ARL6IP5: variants seen among roughly 807,000 people sequenced by gnomAD.
ARL6IP5 encodes ARF like GTPase 6 interacting protein 5.
In ARL6IP5, 6 loss-of-function variants were observed where a neutral mutation model predicts 13.0. The observed-to-expected ratio is 0.46, with a 90% CI of 0.25 to 0.91. The LOEUF (loss-of-function observed/expected upper bound fraction) is 0.91. ARL6IP5 is among the 40% of genes least tolerant of loss of function. The pLI, the probability that ARL6IP5 is intolerant of heterozygous loss-of-function variation, is 0.17. For synonymous variants in ARL6IP5, 91 were observed against 91.9 expected, an observed-to-expected ratio of 0.99 and a Z score of 0.06; for missense variants, 208 against 248.8, an observed-to-expected ratio of 0.84 and a Z score of 1.10.
chr3:69,086,004 A>G (rs1194926204), intron 1 of ARL6IP5, among the ~76,000 whole-genome samples: 1 of 152,164 alleles, frequency 6.6e-6, no homozygotes, highest in Non-Finnish European at 1.5e-5. Flanking sequence ...CCTTTAAGAA[A>G]TGCTTCTCTC....
chr3:69,091,355 G>A (rs542074529), intron 1 of ARL6IP5, among the ~76,000 whole-genome samples: 8 of 151,926 alleles, frequency 5.3e-5, no homozygotes, highest in East Asian at 1.9e-4. Context: ...GTATGGTGGC[G>A]CAGTCATGGC....
Position 69,105,261 on chromosome 3 carries a change from A to C in ARL6IP5, c.*625A>C, listed in dbSNP as rs2092319181. On this transcript the variant is annotated 3_prime_UTR_variant, in exon 3 of 3. Transcript: ENST00000273258. ...TTTGTAAATTTTTGAAATGCTAGTAATGTGTTTTCACCAGCAAGTATTTGT... is the reference window on the plus strand; with the variant it reads ...TTTGTAAATTTTTGAAATGCTAGTACTGTGTTTTCACCAGCAAGTATTTGT... The C allele has an allele frequency of 1.6e-5, 3 of 192,968 alleles. No homozygotes were observed. The highest frequency in any genetic ancestry group is 5.6e-5 in the Admixed American group (1 of 17,874). The allele number at this position is 192,968 out of a possible 1,614,324, so 12.0% of individuals were successfully genotyped here.
intron 1 of ARL6IP5, among the ~76,000 whole-genome samples, chr3:69,096,018 G>GGT (rs137919999): frequency 4.9e-4 from 74 of 151,662 alleles, no homozygotes; most frequent in East Asian, 1.2e-3. Flanking sequence ...ATCTGTAGAG[G>GGT]GTGTGTGTGT....
chr3:69,092,819 C>CTTTTTTTT (rs201632976), intron 1 of ARL6IP5, among the ~76,000 whole-genome samples: 1 of 139,762 alleles, frequency 7.2e-6, no homozygotes, highest in Non-Finnish European at 1.6e-5. Context: ...TGTACCCAGC[C>CTTTTTTTT]TTTTTTTTTT....
intron 1 of ARL6IP5, chr3:69,099,825 C>T (rs996708998): frequency 6.5e-6 from 1 of 152,672 alleles, no homozygotes; most frequent in African/African-American, 2.4e-5. Flanking sequence ...AGTTAAGTAA[C>T]TCATTGTACC....
Position 69,104,774 on chromosome 3 carries a change from C to G in ARL6IP5, c.*138C>G, listed in dbSNP as rs2092317431. 2 of 954,280 alleles carry G rather than the reference C, an allele frequency of 2.1e-6. No individual in the cohort carries two copies. The highest frequency in any genetic ancestry group is 5.2e-5 in the East Asian group (2 of 38,384). The allele number at this position is 954,280 out of a possible 1,614,324, so 59.1% of individuals were successfully genotyped here. A position where few individuals can be genotyped will look rare whatever the true frequency, so the allele number is the denominator to read the frequency against. On this transcript the variant is annotated 3_prime_UTR_variant, in exon 3 of 3. Coordinates refer to ENST00000273258, the MANE Select transcript of ARL6IP5 (RefSeq NM_006407.4). ...ATCTATGGCAGCATGCATGTATAGG[C>G]CGAACTATTATCAGCTCTGATGTTT...
Position 69,101,867 on chromosome 3 carries a change from G to C in ARL6IP5, c.205G>C (p.Gly69Arg). 1 of 1,613,672 alleles carries C rather than the reference G, an allele frequency of 6.2e-7. No homozygotes were observed. Residue 69 changes from glycine to arginine, a missense_variant, in exon 2 of 3, where the codon GGA becomes CGA. Transcript: ENST00000273258. ...TCTGAGTCCCTTCAACATGATCCTG[G>C]GAGGAATCGTGGTGGTGCTGGTGTT... ...GFLSPFNMILGGIVVVLVFTG... is the reference protein window; with the variant it reads ...GFLSPFNMILRGIVVVLVFTG...
intron 1 of ARL6IP5, among the ~76,000 whole-genome samples, chr3:69,093,844 G>C (rs1315060233): frequency 6.6e-6 from 1 of 152,070 alleles, no homozygotes; most frequent in African/African-American, 2.4e-5. Flanking sequence ...TGTAGTTTCA[G>C]CTACTCAGAA....
intron 2 of ARL6IP5, 91 bp downstream of exon 2, chr3:69,102,147 TGGC>T: frequency 7.2e-7 from 1 of 1,390,200 alleles, no homozygotes; most frequent in Non-Finnish European, 1.0e-6. Flanking sequence ...TTATATGTGT[TGGC>T]ATGTCAGCAA....
intron 1 of ARL6IP5, among the ~76,000 whole-genome samples, chr3:69,096,020 T>G (rs910505127): frequency 4.0e-5 from 6 of 151,730 alleles, no homozygotes; most frequent in Non-Finnish European, 7.4e-5. Context: ...CTGTAGAGGG[T>G]GTGTGTGTGT....
At chr3:69,100,098 T>C (rs1433626113) in intron 1 of ARL6IP5, 1 of 152,264 alleles carries the variant, frequency 6.6e-6, no homozygotes, top group Non-Finnish European at 1.5e-5. Flanking sequence ...AGCTAATTTT[T>C]GTATTTTTAG....
intron 1 of ARL6IP5, among the ~76,000 whole-genome samples, chr3:69,095,500 G>A (rs967733216): frequency 3.4e-5 from 5 of 148,572 alleles, no homozygotes; most frequent in African/African-American, 1.2e-4. Flanking sequence ...ACCATCCCTC[G>A]TTCTTTTTTT....
chr3:69,100,956 T>G (rs923330062), intron 1 of ARL6IP5, among the ~76,000 whole-genome samples: 6 of 152,118 alleles, frequency 3.9e-5, no homozygotes, highest in Non-Finnish European at 7.4e-5. Context: ...GGCCTAGCAC[T>G]GTTATTTTCT....
At chr3:69,101,753 C>T in intron 1 of ARL6IP5, 86 bp from the exon 2 acceptor site, 1 of 1,144,376 alleles carries the variant, frequency 8.7e-7, no homozygotes, top group Non-Finnish European at 1.3e-6. Context: ...AGTAAGTTCT[C>T]AATAATTGTT....
intron 2 of ARL6IP5, chr3:69,102,297 A>G (rs1247241349): frequency 1.8e-6 from 1 of 542,288 alleles, no homozygotes; most frequent in South Asian, 2.1e-5. Flanking sequence ...GGCATCTGCT[A>G]TGTGTCATAC....
intron 2 of ARL6IP5, among the ~76,000 whole-genome samples, chr3:69,103,652 G>A (rs1176491543): frequency 6.6e-6 from 1 of 152,156 alleles, no homozygotes; most frequent in Non-Finnish European, 1.5e-5. Flanking sequence ...CATCTGGAGT[G>A]ATTATTAAAA....
chr3:69,104,172 C>A lies in ARL6IP5; in HGVS notation c.395-292C>A, dbSNP rs145936855. On this transcript the variant is annotated intron_variant, in intron 2 of 2. Transcript: ENST00000273258. ...GAATTTCAGGACATTTAAGTAGCAT[C>A]TGCAAGGTGATGATATCAGTGTGTG... Among the ~76,000 whole-genome samples, 498 of 152,268 alleles carry A rather than the reference C, an allele frequency of 3.3e-3. 2 individuals carry two copies. The highest frequency in any genetic ancestry group is 0.012 in the African/African-American group (478 of 41,554).
At chr3:69,091,254 C>A (rs2092264972) in intron 1 of ARL6IP5, among the ~76,000 whole-genome samples, 1 of 152,098 alleles carries the variant, frequency 6.6e-6, no homozygotes, top group East Asian at 1.9e-4. Flanking sequence ...CATTAAATAA[C>A]CTCTGACAGT....
rs78192974 is a variant in ARL6IP5 at position 69,093,100 on chromosome 3, G to A, written c.176+7877G>A. Among the ~76,000 whole-genome samples, 172 of 152,242 alleles carry A rather than the reference G, an allele frequency of 1.1e-3. No homozygotes were observed. The Middle Eastern group carries it at 0.017, about 15-fold the overall frequency. The stretch of plus-strand genomic sequence containing the variant: ...TTGAAGCTCCGTCACTGTGGGAAGC[G>A]TCAGATTTATGGTTTCTAATCCGAG... On this transcript the variant is annotated intron_variant, in intron 1 of 2. Transcript: ENST00000273258.
Sources: allele counts gnomAD v4.1 joint callset (sites outside exome capture counted in the v4.1 genomes callset), GRCh38; gene constraint gnomAD v4.1.1; transcripts MANE v1.5; gene names NCBI Gene and HGNC (gene_info 2026-07-23, HGNC 2026-07-21).